The following DNAH5 variants were observed in gnomAD, a reference collection of about 807,000 sequenced individuals.
The protein encoded by DNAH5 is dynein axonemal heavy chain 5, also known as axonemal beta dynein heavy chain 5.
Under a neutral mutation model 518.2 loss-of-function variants are expected in DNAH5, and 372 were observed. That is an observed-to-expected ratio of 0.72 (90% confidence interval 0.66 to 0.78). The LOEUF is 0.78. DNAH5 is among the 30% of genes least tolerant of loss of function. The probability of loss-of-function intolerance (pLI) is 0.00; values close to 1 mark genes in which losing one functional copy is unlikely to be tolerated. For missense variants in DNAH5, 5,523 were observed against 5,687.0 expected, an observed-to-expected ratio of 0.97 and a Z score of 0.93; for synonymous variants, 2,039 against 2,025.9, an observed-to-expected ratio of 1.01 and a Z score of -0.17.
At chr5:13,788,614 A>T in intron 51 of DNAH5, 102 bp downstream of exon 51, 2 of 979,690 alleles carry the variant, frequency 2.0e-6, no homozygotes, top group Non-Finnish European at 3.3e-6. Context: ...AATAAAGTTT[A>T]CTAGAAAGAA....
At position 13,792,120 on chromosome 5, in the gene DNAH5, C is replaced by CG. The variant is rs1554050517; in HGVS notation, c.8321_8322insC (p.Trp2774CysfsTer7). Reference sequence around the variant, plus strand: ...GAAGCATTTTAATCTTGGTCATCTGCCATAGTCGGCGTGTCAGAGGCACCA... The same window carrying CG: ...GAAGCATTTTAATCTTGGTCATCTGCGCATAGTCGGCGTGTCAGAGGCACCA... On this transcript the variant is annotated frameshift_variant, in exon 50 of 79. Coordinates refer to ENST00000265104, the MANE Select transcript of DNAH5 (RefSeq NM_001369.3). LOFTEE classifies it high-confidence loss of function. The CG allele has an allele frequency of 6.2e-7, 1 of 1,613,952 alleles. No homozygotes were observed.
intron 12 of DNAH5, among the ~76,000 whole-genome samples, chr5:13,902,748 A>G (rs923432276): frequency 6.6e-6 from 1 of 152,168 alleles, no homozygotes. Context: ...CATCGGTGCC[A>G]CACCTAGATA....
chr5:13,703,122 C>T (rs1261082868), intron 76 of DNAH5, among the ~76,000 whole-genome samples: 5 of 152,086 alleles, frequency 3.3e-5, no homozygotes, highest in Non-Finnish European at 5.9e-5. Flanking sequence ...TCTCTCCATC[C>T]CTTCTCTTAA....
chr5:13,784,076 T>TCTGGG (rs1479497340), intron 52 of DNAH5, among the ~76,000 whole-genome samples: 2 of 152,186 alleles, frequency 1.3e-5, no homozygotes, highest in Non-Finnish European at 2.9e-5. Flanking sequence ...TCACTCATCA[T>TCTGGG]CTGGGCTGCG....
intron 30 of DNAH5, among the ~76,000 whole-genome samples, chr5:13,852,394 C>T (rs1366480244): frequency 2.6e-5 from 4 of 152,178 alleles, no homozygotes; most frequent in South Asian, 2.1e-4. Flanking sequence ...CTCGAACTCC[C>T]GACCTCAGGT....
At chr5:13,839,663 C>A (rs1466327893) in intron 34 of DNAH5, 135 bp from the exon 35 acceptor site, 10 of 744,376 alleles carry the variant, frequency 1.3e-5, no homozygotes, top group African/African-American at 8.8e-5. Flanking sequence ...CAGGTGTCAA[C>A]TGTATCACCA....
In DNAH5 at chr5:13,793,579, G is replaced by C. The variant is rs1204304464; in HGVS notation, c.8160C>G (p.Leu2720=). ...AATTAAATATAGAGAACTGCCTCTT[G>C]AGTCTTTGGGGTATGTCATTGCGTC... ...GGGRNDIPQR[L]KRQFSIFNCT... The change falls in exon 49 of 79, where the codon CTC becomes CTG. Residue 2720 remains leucine, a synonymous_variant. Transcript: ENST00000265104. 3 of 1,614,112 alleles carry C rather than the reference G, an allele frequency of 1.9e-6. No homozygotes were observed. In the East Asian group the frequency reaches 6.7e-5, roughly 36 times the overall value.
chr5:13,761,053 T>C (rs1751701838), intron 60 of DNAH5, among the ~76,000 whole-genome samples: 1 of 152,160 alleles, frequency 6.6e-6, no homozygotes, highest in African/African-American at 2.4e-5. Flanking sequence ...GCACAGGTTG[T>C]AGGAGTAAAT....
At chr5:13,851,962 A>G (rs1490536271) in intron 30 of DNAH5, among the ~76,000 whole-genome samples, 2 of 151,862 alleles carry the variant, frequency 1.3e-5, no homozygotes, top group Admixed American at 1.3e-4. Context: ...TCACCTGAGA[A>G]GTGAAAAGGT....
At chr5:13,978,082 G>A (rs191943763) in intron 1 of DNAH5, among the ~76,000 whole-genome samples, 69 of 152,324 alleles carry the variant, frequency 4.5e-4, no homozygotes, top group Admixed American at 3.3e-3. Flanking sequence ...TCGTCCCTAT[G>A]GAGGGGAGAA....
intron 1 of DNAH5, among the ~76,000 whole-genome samples, chr5:13,985,146 C>T (rs1352112015): frequency 6.6e-6 from 1 of 151,940 alleles, no homozygotes; most frequent in Non-Finnish European, 1.5e-5. Context: ...GTTGAAGCTG[C>T]AAACCATCAT....
chr5:13,817,652 G>T lies in DNAH5; in HGVS notation c.6884C>A (p.Ala2295Glu). Residue 2295 changes from alanine to glutamate, a missense_variant, in exon 42 of 79, where the codon GCG becomes GAG. Physicochemically the swap from Ala to Glu is moderately radical, Grantham distance 107. Around this residue, in one of 3 missense-constraint regions of DNAH5, gnomAD observed 5,121 missense variants for 5,223.3 expected, o/e 0.98. Transcript: ENST00000265104. The part of the protein sequence containing the change: ...PHREMRMNPK[A>E]ITAPQMFGRL... The stretch of plus-strand genomic sequence containing the variant: ...ACCAAACATCTGTGGGGCAGTAATC[G>T]CTTTGGGATTCATCCTCATTTCCCG... 6.2e-7 allele frequency: 1 copy of T among 1,614,124 alleles called. No individual in the cohort carries two copies. The highest frequency in any genetic ancestry group is 8.5e-7 in the Non-Finnish European group (1 of 1,180,028).
intron 7 of DNAH5, 101 bp downstream of exon 7, chr5:13,919,075 G>T: frequency 7.1e-7 from 1 of 1,401,460 alleles, no homozygotes; most frequent in Admixed American, 1.7e-5. Context: ...TTTCATCAAG[G>T]TATAATAACA....
At chr5:13,790,257 T>C (rs1018576906) in intron 50 of DNAH5, among the ~76,000 whole-genome samples, 1 of 152,222 alleles carries the variant, frequency 6.6e-6, no homozygotes, top group Admixed American at 6.5e-5. Flanking sequence ...TGAATGTTCA[T>C]TGCAGCACTA....
chr5:13,974,243 C>A (rs1022777262), intron 1 of DNAH5, among the ~76,000 whole-genome samples: 5 of 151,574 alleles, frequency 3.3e-5, no homozygotes, highest in Admixed American at 6.6e-5. Context: ...TCAAGCAATC[C>A]TCCCATCACA....
At chr5:13,843,116 A>C (rs1243230053) in intron 32 of DNAH5, among the ~76,000 whole-genome samples, 1 of 152,132 alleles carries the variant, frequency 6.6e-6, no homozygotes, top group Non-Finnish European at 1.5e-5. Context: ...AAACAACAAG[A>C]AACATTGATT....
chr5:13,935,793 G>C (rs1778867438), intron 1 of DNAH5, among the ~76,000 whole-genome samples: 1 of 152,172 alleles, frequency 6.6e-6, no homozygotes, highest in Non-Finnish European at 1.5e-5. Context: ...AGTTCTTTGG[G>C]GGTTGGCTTG....
intron 78 of DNAH5, among the ~76,000 whole-genome samples, chr5:13,699,732 A>G (rs1351981128): frequency 1.3e-5 from 2 of 152,202 alleles, no homozygotes; most frequent in African/African-American, 2.4e-5. Flanking sequence ...AAATAAATAA[A>G]TACTTGTAGT....
At chr5:13,909,509 T>C (rs1423614983) in intron 12 of DNAH5, among the ~76,000 whole-genome samples, 1 of 152,022 alleles carries the variant, frequency 6.6e-6, no homozygotes, top group Non-Finnish European at 1.5e-5. Flanking sequence ...CTGAAGCCTT[T>C]CCTAACCCCA....
Sources: allele counts gnomAD v4.1 joint callset (sites outside exome capture counted in the v4.1 genomes callset), GRCh38; gene constraint gnomAD v4.1.1; regional missense constraint gnomAD v4.1.1; transcripts MANE v1.5; gene names NCBI Gene and HGNC (gene_info 2026-07-23, HGNC 2026-07-21).